TP63: variants seen among roughly 807,000 people sequenced by gnomAD.
TP63 encodes tumor protein p63.
TP63 carries 17 observed loss-of-function variants against 82.8 expected under a neutral mutation model. The observed-to-expected ratio is 0.21, with a 90% CI of 0.14 to 0.31. The LOEUF is 0.31. TP63 is among the 10% of genes least tolerant of loss of function. The pLI, the probability that TP63 is intolerant of heterozygous loss-of-function variation, is 1.00. For synonymous variants in TP63, 330 were observed against 321.7 expected (o/e 1.03, Z -0.28); for missense variants, 648 against 895.3 (o/e 0.72, Z 3.52).
chr3:189,824,119 G>A (rs1365168874), intron 4 of TP63, among the ~76,000 whole-genome samples: 1 of 152,170 alleles, frequency 6.6e-6, no homozygotes, highest in Non-Finnish European at 1.5e-5. Flanking sequence ...GCAGTCCAGT[G>A]AATAAAATTC....
intron 1 of TP63, among the ~76,000 whole-genome samples, chr3:189,699,681 C>T (rs925660376): frequency 4.6e-5 from 7 of 152,006 alleles, no homozygotes; most frequent in Non-Finnish European, 1.0e-4. Context: ...AAAAAAAAAT[C>T]CTAGCATTTA....
chr3:189,724,615 A>T (rs1351374328), intron 1 of TP63, among the ~76,000 whole-genome samples: 1 of 152,228 alleles, frequency 6.6e-6, no homozygotes, highest in African/African-American at 2.4e-5. Context: ...TTAGAATGAC[A>T]TTCTCTAATA....
intron 1 of TP63, among the ~76,000 whole-genome samples, chr3:189,703,120 A>G (rs2108742806): frequency 6.6e-6 from 1 of 152,294 alleles, no homozygotes; most frequent in South Asian, 2.1e-4. Flanking sequence ...GGTTAACTAC[A>G]AAGGCCACTC....
At chr3:189,825,888 A>G (rs1227310154) in intron 4 of TP63, among the ~76,000 whole-genome samples, 1 of 152,182 alleles carries the variant, frequency 6.6e-6, no homozygotes, top group Non-Finnish European at 1.5e-5. Flanking sequence ...CCCAGTATTC[A>G]GAGTTTACAA....
At chr3:189,881,808 A>G (rs1224332683) in intron 10 of TP63, among the ~76,000 whole-genome samples, 2 of 152,198 alleles carry the variant, frequency 1.3e-5, no homozygotes, top group Non-Finnish European at 2.9e-5. Flanking sequence ...GACATTCCTG[A>G]CAAACCTCTA....
At chr3:189,825,030 G>T (rs1729191307) in intron 4 of TP63, among the ~76,000 whole-genome samples, 1 of 152,142 alleles carries the variant, frequency 6.6e-6, no homozygotes, top group Admixed American at 6.5e-5. Context: ...TCTGATTTGT[G>T]CGTGTGTTTT....
At chr3:189,635,807 T>G (rs751568308) in intron 1 of TP63, among the ~76,000 whole-genome samples, 47 of 152,128 alleles carry the variant, frequency 3.1e-4, no homozygotes, top group Non-Finnish European at 5.7e-4. Flanking sequence ...CCTGCCAGGA[T>G]CATGACAACT....
At chr3:189,697,940 A>G (rs2108734111) in intron 1 of TP63, among the ~76,000 whole-genome samples, 1 of 152,142 alleles carries the variant, frequency 6.6e-6, no homozygotes, top group Middle Eastern at 3.4e-3. Context: ...CTGAAGACCC[A>G]TGGATTTTCT....
chr3:189,850,232 A>G (rs1715448658), intron 4 of TP63, among the ~76,000 whole-genome samples: 1 of 152,104 alleles, frequency 6.6e-6, no homozygotes, highest in Non-Finnish European at 1.5e-5. Flanking sequence ...CAGGGAGCCA[A>G]GATCATACCA....
chr3:189,741,589 G>A (rs1217543438), intron 3 of TP63, among the ~76,000 whole-genome samples: 1 of 152,150 alleles, frequency 6.6e-6, no homozygotes, highest in Non-Finnish European at 1.5e-5. Flanking sequence ...AGTAAGGATT[G>A]TAGCCAAGCA....
At chr3:189,801,075 A>G (rs1726253724) in intron 3 of TP63, among the ~76,000 whole-genome samples, 1 of 152,166 alleles carries the variant, frequency 6.6e-6, no homozygotes, top group South Asian at 2.1e-4. Flanking sequence ...CTAGACAAAT[A>G]TACTACCAAC....
chr3:189,726,566 C>T (rs1311738556), intron 1 of TP63, among the ~76,000 whole-genome samples: 1 of 152,066 alleles, frequency 6.6e-6, no homozygotes, highest in Admixed American at 6.6e-5. Flanking sequence ...AATTGGGTCA[C>T]CATCCCATAT....
intron 3 of TP63, among the ~76,000 whole-genome samples, chr3:189,782,823 A>C (rs1560179973): frequency 6.6e-6 from 1 of 152,090 alleles, no homozygotes; most frequent in Non-Finnish European, 1.5e-5. Flanking sequence ...AATAGGAGGA[A>C]CTTAATTTTG....
At chr3:189,662,152 T>C (rs1383173433) in intron 1 of TP63, among the ~76,000 whole-genome samples, 1 of 152,090 alleles carries the variant, frequency 6.6e-6, no homozygotes, top group African/African-American at 2.4e-5. Flanking sequence ...TTAGGTGTGA[T>C]GTTAGATCAT....
At chr3:189,637,846 TTAAAG>T (rs1365997858) in intron 1 of TP63, among the ~76,000 whole-genome samples, 1 of 152,052 alleles carries the variant, frequency 6.6e-6, no homozygotes, top group Non-Finnish European at 1.5e-5. Flanking sequence ...TCAACTGACT[TTAAAG>T]TAGGTGGAAT....
At chr3:189,845,900 G>C (rs1714798378) in intron 4 of TP63, among the ~76,000 whole-genome samples, 1 of 151,736 alleles carries the variant, frequency 6.6e-6, no homozygotes, top group Non-Finnish European at 1.5e-5. Flanking sequence ...GGATGAAAGA[G>C]CTAAAGTTCT....
chr3:189,691,186 A>G (rs1253923998), intron 1 of TP63, among the ~76,000 whole-genome samples: 1 of 151,756 alleles, frequency 6.6e-6, no homozygotes, highest in Non-Finnish European at 1.5e-5. Context: ...TAAAAATACA[A>G]AAATTAGCCG....
chr3:189,752,780 C>T (rs1721917404), intron 3 of TP63, among the ~76,000 whole-genome samples: 1 of 151,858 alleles, frequency 6.6e-6, no homozygotes, highest in South Asian at 2.1e-4. Context: ...TCTAATGTTA[C>T]CATTCATTGC....
intron 1 of TP63, among the ~76,000 whole-genome samples, chr3:189,675,002 A>G (rs1715267085): frequency 6.6e-6 from 1 of 152,134 alleles, no homozygotes; most frequent in Non-Finnish European, 1.5e-5. Flanking sequence ...AAATACCATC[A>G]ACTAGTTAGC....
Sources: gnomAD v4.1 joint callset for allele counts (sites outside exome capture counted in the v4.1 genomes callset) on GRCh38, gnomAD v4.1.1 for gene constraint, MANE v1.5 for transcripts, NCBI Gene and HGNC (gene_info 2026-07-23, HGNC 2026-07-21) for gene names.